The following SMARCA2 variants were observed in gnomAD, a reference collection of about 807,000 sequenced individuals.
SMARCA2 encodes SWI/SNF related BAF chromatin remodeling complex subunit ATPase 2.
SMARCA2 carries 61 observed loss-of-function variants against 199.8 expected under a neutral mutation model. That is an observed-to-expected ratio of 0.31 (90% CI 0.25 to 0.38). SMARCA2 has a LOEUF of 0.38. Ranked by LOEUF, SMARCA2 falls within the 10% of genes least tolerant of loss-of-function variation. The probability of loss-of-function intolerance (pLI) is 1.00; values close to 1 mark genes in which losing one functional copy is unlikely to be tolerated. For synonymous variants in SMARCA2, 935 were observed against 732.0 expected (o/e 1.28, Z -4.48); for missense variants, 1,344 against 2,012.2 (o/e 0.67, Z 6.35).
At chr9:2,180,254 A>G (rs1245779647) in intron 29 of SMARCA2, among the ~76,000 whole-genome samples, 1 of 152,000 alleles carries the variant, frequency 6.6e-6, no homozygotes, top group Non-Finnish European at 1.5e-5. Context: ...TAAAACAAAA[A>G]CGATGACCCA....
chr9:2,174,024 T>A (rs1050544826), intron 29 of SMARCA2, among the ~76,000 whole-genome samples: 2 of 152,192 alleles, frequency 1.3e-5, no homozygotes, highest in Admixed American at 1.3e-4. Flanking sequence ...GGTGACTCGA[T>A]ACTTATTTAT....
rs562562696 is a variant in SMARCA2, at chr9:2,071,963, G to A, written c.1747-1249G>A. On this transcript the variant is annotated intron_variant, in intron 10 of 33. Coordinates refer to ENST00000349721, the MANE Select transcript of SMARCA2 (RefSeq NM_003070.5). ...CAAAAGAAAAAAACGACAATCTGGAGTAAGCCTTTTCTCTTTTTAAGGTTA... is the reference window on the plus strand; with the variant it reads ...CAAAAGAAAAAAACGACAATCTGGAATAAGCCTTTTCTCTTTTTAAGGTTA... The A allele has an allele frequency of 4.6e-5, 7 of 152,298 alleles. No individual in the cohort carries two copies. In the East Asian group the frequency reaches 1.4e-3, roughly 29 times the overall value. The allele number at this position is 152,298 out of a possible 1,614,324, so 9.4% of individuals were successfully genotyped here.
chr9:2,043,865 A>G (rs375727387), intron 4 of SMARCA2: 8 of 152,108 alleles, frequency 5.3e-5, no homozygotes, highest in African/African-American at 1.9e-4. Context: ...CTTTGTTTCT[A>G]CTTTGACTCC....
chr9:2,160,077 A>G, intron 27 of SMARCA2: 1 of 803,968 alleles, frequency 1.2e-6, no homozygotes, highest in Non-Finnish European at 1.9e-6. Flanking sequence ...TGCTGTATTT[A>G]TTATTAGCAT....
At chr9:2,146,587 C>T (rs1288321088) in intron 27 of SMARCA2, among the ~76,000 whole-genome samples, 1 of 152,116 alleles carries the variant, frequency 6.6e-6, no homozygotes, top group Non-Finnish European at 1.5e-5. Flanking sequence ...GAGGCAAATC[C>T]ATACAGTAAA....
chr9:2,121,607 A>C (rs1244730747), intron 26 of SMARCA2, among the ~76,000 whole-genome samples: 1 of 152,234 alleles, frequency 6.6e-6, no homozygotes, highest in Admixed American at 6.5e-5. Flanking sequence ...CTCTTTATCC[A>C]TTATTAGAAA....
chr9:2,097,229 G>C, intron 20 of SMARCA2, 156 bp from the exon 21 acceptor site: 1 of 558,258 alleles, frequency 1.8e-6, no homozygotes, highest in Admixed American at 3.2e-5. Context: ...CTCAGGAACT[G>C]CTATATAATT....
chr9:2,168,783 C>G (rs10117708), intron 28 of SMARCA2, among the ~76,000 whole-genome samples: 42,405 of 152,034 alleles, frequency 0.28, 7,186 homozygotes, highest in African/African-American at 0.49. Flanking sequence ...CCAAGCCAAT[C>G]AGATGGCTGA....
At chr9:2,062,632 C>A (rs1820650447) in intron 9 of SMARCA2, among the ~76,000 whole-genome samples, 1 of 152,106 alleles carries the variant, frequency 6.6e-6, no homozygotes, top group South Asian at 2.1e-4. Flanking sequence ...CCTTTCAAAC[C>A]CTTGCCTTCA....
chr9:2,124,935 G>C (rs1426330641), intron 27 of SMARCA2, among the ~76,000 whole-genome samples: 1 of 152,152 alleles, frequency 6.6e-6, no homozygotes, highest in Non-Finnish European at 1.5e-5. Context: ...AGTAAGTGTA[G>C]TTGGGTAAAA....
chr9:2,159,068 G>A (rs980110392), intron 27 of SMARCA2: 1 of 1,486,792 alleles, frequency 6.7e-7, no homozygotes, highest in East Asian at 2.8e-5. Context: ...AATTGTTTCA[G>A]TTGTTCTGTT....
intron 20 of SMARCA2, 103 bp from the exon 21 acceptor site, chr9:2,097,282 C>A: frequency 1.4e-6 from 1 of 719,192 alleles, no homozygotes; most frequent in Non-Finnish European, 2.4e-6. Context: ...ACTGAAAAAA[C>A]CTATGGTCCT....
Position 2,192,860 on chromosome 9 carries a change from C to G in SMARCA2, c.*121C>G, listed in dbSNP as rs1827985277. The G allele has an allele frequency of 1.3e-6, 1 of 750,434 alleles. No individual in the cohort carries two copies. Among genetic ancestry groups the G allele is most frequent in the Non-Finnish European group, 2.4e-6 (1 of 419,562 alleles). 46.5% of individuals were successfully genotyped at this position (750,434 alleles called of 1,614,324 possible). On this transcript the variant is annotated 3_prime_UTR_variant, in exon 34 of 34. Transcript: ENST00000349721. ...TTTCTATATCATCATCGTCTATAAA[C>G]TAGCTTTAGGATAGTGCCAGACAAA... is the stretch of plus-strand genomic sequence containing the variant.
At chr9:2,041,170 A>G in intron 4 of SMARCA2, 1 of 394,994 alleles carries the variant, frequency 2.5e-6, no homozygotes, top group Non-Finnish European at 4.5e-6. Context: ...GTATACGTTT[A>G]TTTTCTGGTA....
chr9:2,127,520 C>G (rs1041316735), intron 27 of SMARCA2, among the ~76,000 whole-genome samples: 2 of 152,200 alleles, frequency 1.3e-5, no homozygotes, highest in Non-Finnish European at 2.9e-5. Flanking sequence ...GGGCTCCAGG[C>G]TGACAGAGCC....
At position 2,039,790 on chromosome 9, in the gene SMARCA2, A is replaced by G. The variant is rs940521825; in HGVS notation, c.680A>G (p.Gln227Arg). 1.0e-5 allele frequency: 16 copies of G among 1,561,358 alleles called. No homozygotes were observed. The highest frequency in any genetic ancestry group is 1.4e-5 in the Non-Finnish European group (16 of 1,137,934). Residue 227 changes from glutamine to arginine, a missense_variant, in exon 4 of 34, where the codon CAG (glutamine) becomes CGG (arginine). Around this residue, in one of 18 missense-constraint regions of SMARCA2, gnomAD observed 117 missense variants for 99.1 expected, o/e 1.18. Coordinates refer to ENST00000349721, the MANE Select transcript of SMARCA2 (RefSeq NM_003070.5). This position sits in a 1 kb window ranked among gnomAD's most constrained non-coding sequence, Gnocchi z 4.8. ...QQQQQQQQQQ[Q>R]QQQQQQQQQQ... ...CAGCAGCAGCAACAGCAGCAGCAGC[A>G]GCAGCAGCAGCAGCAGCAGCAGCAG...
chr9:2,107,635 C>T (rs929427203), intron 23 of SMARCA2, among the ~76,000 whole-genome samples: 3 of 152,180 alleles, frequency 2.0e-5, no homozygotes. Context: ...TTTAAATACA[C>T]ACCAGATATA....
In SMARCA2 at chr9:2,015,397, C is replaced by G. The variant is rs1026992236; in HGVS notation, c.-44C>G. On this transcript the variant is annotated 5_prime_UTR_variant, in exon 1 of 34. Coordinates refer to ENST00000349721, the MANE Select transcript of SMARCA2 (RefSeq NM_003070.5). ...AGAGATTCAGCCAGCACACTCCTCG[C>G]GAGCAAGGTAAATATAACTTACAAC... 2.6e-5 allele frequency: 4 copies of G among 152,528 alleles called. No individual in the cohort carries two copies. Among genetic ancestry groups the G allele is most frequent in the Non-Finnish European group, 4.4e-5 (3 of 68,268 alleles). 9.4% of individuals were successfully genotyped at this position (152,528 alleles called of 1,614,324 possible).
chr9:2,153,703 C>G (rs959010756), intron 27 of SMARCA2, among the ~76,000 whole-genome samples: 3 of 151,940 alleles, frequency 2.0e-5, no homozygotes, highest in South Asian at 2.1e-4. Context: ...AATGTTTAGA[C>G]ATAAATTTTT....
Sources: allele counts gnomAD v4.1 joint callset (sites outside exome capture counted in the v4.1 genomes callset), GRCh38; gene constraint gnomAD v4.1.1; regional missense constraint gnomAD v4.1.1; non-coding constraint Gnocchi (gnomAD v3.1); transcripts MANE v1.5; gene names NCBI Gene and HGNC (gene_info 2026-07-23, HGNC 2026-07-21).